PPP2R2B: variants seen among roughly 807,000 people sequenced by gnomAD.
The protein encoded by PPP2R2B is protein phosphatase 2 regulatory subunit Bbeta, also known as serine/threonine-protein phosphatase 2A 55 kDa regulatory subunit B beta isoform.
In PPP2R2B, 5 loss-of-function variants were observed where a neutral mutation model predicts 46.0. The observed-to-expected ratio is 0.11, with a 90% CI of 0.06 to 0.23. PPP2R2B has a LOEUF of 0.23. Ranked by LOEUF, PPP2R2B falls within the 10% of genes least tolerant of loss-of-function variation. The pLI is 1.00. For missense variants in PPP2R2B, 367 were observed against 575.0 expected (o/e 0.64, Z 3.70); for synonymous variants, 215 against 206.7 (o/e 1.04, Z -0.34).
chr5:147,019,686 A>G (rs572359666), intron 1 of PPP2R2B, among the ~76,000 whole-genome samples: 11 of 152,320 alleles, frequency 7.2e-5, no homozygotes, highest in African/African-American at 2.6e-4. Flanking sequence ...CCAAAAATAT[A>G]GCAAGGTGGC....
intron 1 of PPP2R2B, among the ~76,000 whole-genome samples, chr5:146,898,020 A>G (rs1436254787): frequency 1.3e-5 from 2 of 152,146 alleles, no homozygotes; most frequent in Admixed American, 6.6e-5. Flanking sequence ...CCCCGTGTCT[A>G]CTAAAAGTAC....
intron 5 of PPP2R2B, chr5:146,656,621 G>C (rs1443258232): frequency 1.3e-5 from 2 of 152,382 alleles, no homozygotes; most frequent in Non-Finnish European, 2.9e-5. Context: ...TACAGCCCAG[G>C]ACTCCTAGGC....
chr5:146,864,183 C>T (rs1484366881), intron 2 of PPP2R2B, among the ~76,000 whole-genome samples: 1 of 152,024 alleles, frequency 6.6e-6, no homozygotes, highest in Non-Finnish European at 1.5e-5. Flanking sequence ...AAACTTCCAT[C>T]ATTAGGTGGC....
intron 1 of PPP2R2B, among the ~76,000 whole-genome samples, chr5:146,986,820 G>GA (rs1381533410): frequency 2.0e-5 from 3 of 152,014 alleles, no homozygotes; most frequent in African/African-American, 7.2e-5. Context: ...AGTCGGAGTA[G>GA]AAAAAGAGAA....
At chr5:146,590,385 G>GTTTT (rs373740293) in intron 9 of PPP2R2B, among the ~76,000 whole-genome samples, 159 bp from the exon 10 acceptor site, 3 of 117,732 alleles carry the variant, frequency 2.5e-5, no homozygotes, top group Admixed American at 8.4e-5. Context: ...TTGGCTTTTT[G>GTTTT]TTTTTTTTTT....
intron 1 of PPP2R2B, among the ~76,000 whole-genome samples, chr5:147,049,656 G>A (rs1756708143): frequency 6.6e-6 from 1 of 152,152 alleles, no homozygotes; most frequent in African/African-American, 2.4e-5. Context: ...GCAAGGGAGA[G>A]GGAAACAGAG....
intron 2 of PPP2R2B, among the ~76,000 whole-genome samples, chr5:146,719,751 A>G (rs921847745): frequency 4.9e-5 from 7 of 141,868 alleles, no homozygotes; most frequent in Admixed American, 1.4e-4. Flanking sequence ...CTAGTTTATT[A>G]ACATTGCAGT....
At chr5:146,929,188 G>A (rs1312898550) in intron 1 of PPP2R2B, among the ~76,000 whole-genome samples, 1 of 151,998 alleles carries the variant, frequency 6.6e-6, no homozygotes, top group African/African-American at 2.4e-5. Context: ...CCACATTTCT[G>A]TTCTTTTCAC....
chr5:147,029,554 T>C (rs1237202145), intron 1 of PPP2R2B, among the ~76,000 whole-genome samples: 1 of 152,118 alleles, frequency 6.6e-6, no homozygotes, highest in African/African-American at 2.4e-5. Flanking sequence ...TCTTAATAGA[T>C]GGTGTTCTAG....
chr5:146,896,582 A>G (rs1762650585), intron 1 of PPP2R2B, among the ~76,000 whole-genome samples: 1 of 152,218 alleles, frequency 6.6e-6, no homozygotes. Flanking sequence ...TTTCTCTCAA[A>G]GAAGCTATTC....
intron 2 of PPP2R2B, among the ~76,000 whole-genome samples, chr5:146,732,314 A>C (rs1561864842): frequency 6.6e-6 from 1 of 152,236 alleles, no homozygotes; most frequent in Non-Finnish European, 1.5e-5. Flanking sequence ...TCTTTAATAC[A>C]AGTGCTATAG....
intron 2 of PPP2R2B, among the ~76,000 whole-genome samples, chr5:146,853,152 C>T (rs1397168988): frequency 1.3e-5 from 2 of 152,066 alleles, no homozygotes; most frequent in Non-Finnish European, 1.5e-5. Context: ...AAAAATGTCC[C>T]CTAGGAAATG....
chr5:146,711,812 A>T (rs1435823632), intron 2 of PPP2R2B, among the ~76,000 whole-genome samples: 2 of 152,212 alleles, frequency 1.3e-5, no homozygotes, highest in Non-Finnish European at 2.9e-5. Context: ...AGGTTGGGAT[A>T]CAAGTACAAT....
chr5:146,788,679 C>T (rs1419948621), intron 2 of PPP2R2B, among the ~76,000 whole-genome samples: 4 of 152,094 alleles, frequency 2.6e-5, no homozygotes, highest in East Asian at 3.9e-4. Context: ...TGCAGTGGTC[C>T]GAGATCGTGC....
intron 1 of PPP2R2B, among the ~76,000 whole-genome samples, chr5:146,953,556 A>G (rs190088116): frequency 9.2e-5 from 14 of 152,178 alleles, no homozygotes; most frequent in Non-Finnish European, 1.8e-4. Flanking sequence ...CTTGTTATTT[A>G]AGTCACAAAA....
intron 1 of PPP2R2B, among the ~76,000 whole-genome samples, chr5:146,896,845 G>C (rs1004300761): frequency 3.3e-5 from 5 of 152,168 alleles, no homozygotes; most frequent in Middle Eastern, 3.4e-3. Context: ...AAAAGTGGAG[G>C]CTCAGACTGT....
upstream of PPP2R2B, among the ~76,000 whole-genome samples, chr5:147,056,822 C>T (rs1757102134): frequency 6.6e-6 from 1 of 152,116 alleles, no homozygotes; most frequent in East Asian, 1.9e-4. Flanking sequence ...GAAACCTTAT[C>T]ACTGGAAGGC....
chr5:146,937,192 T>C (rs915536546), intron 1 of PPP2R2B, among the ~76,000 whole-genome samples: 1 of 151,774 alleles, frequency 6.6e-6, no homozygotes, highest in Non-Finnish European at 1.5e-5. Context: ...TCCTAACTAT[T>C]TGGGAGGCTG....
intron 2 of PPP2R2B, among the ~76,000 whole-genome samples, chr5:146,747,145 A>G (rs974572488): frequency 1.3e-5 from 2 of 152,052 alleles, no homozygotes; most frequent in Non-Finnish European, 2.9e-5. Context: ...GAATACCAGG[A>G]AAAAAAAGGT....
Sources: allele counts gnomAD v4.1 joint callset (sites outside exome capture counted in the v4.1 genomes callset), GRCh38; gene constraint gnomAD v4.1.1; transcripts MANE v1.5; gene names NCBI Gene and HGNC (gene_info 2026-07-23, HGNC 2026-07-21).